PGM3: variants seen among roughly 807,000 people sequenced by gnomAD.
PGM3 encodes phosphoglucomutase 3.
Under a neutral mutation model 66.2 loss-of-function variants are expected in PGM3, and 40 were observed. The ratio of observed to expected loss-of-function variants is 0.60; its 90% confidence interval spans 0.47 to 0.79. The LOEUF is 0.79. Ranked by LOEUF, PGM3 falls within the 30% of genes least tolerant of loss-of-function variation. The pLI is 0.00. For synonymous variants in PGM3, 191 were observed against 224.2 expected, an observed-to-expected ratio of 0.85 and a Z score of 1.32; for missense variants, 537 against 643.4, an observed-to-expected ratio of 0.83 and a Z score of 1.79.
chr6:83,187,710 A>G (rs2128505192), intron 3 of PGM3, among the ~76,000 whole-genome samples: 1 of 152,328 alleles, frequency 6.6e-6, no homozygotes, highest in African/African-American at 2.4e-5. Flanking sequence ...AGGCTGAGGC[A>G]GGAGAATCAC....
At chr6:83,178,233 T>C (rs1443803998) in intron 8 of PGM3, among the ~76,000 whole-genome samples, 1 of 152,196 alleles carries the variant, frequency 6.6e-6, no homozygotes, top group African/African-American at 2.4e-5. Context: ...TAATAAAACT[T>C]TTCATACCTC....
chr6:83,167,973 G>C lies in PGM3; in HGVS notation c.*1261C>G, dbSNP rs567355260. On this transcript the variant is annotated 3_prime_UTR_variant, in exon 13 of 13. Coordinates refer to ENST00000513973, the MANE Select transcript of PGM3 (RefSeq NM_015599.3). ...GGAGCAGCTCCTGCCGTTCTTCAAT[G>C]TGCTCAGTCAAGTCTTCAACAGCAA... 1.2e-6 allele frequency: 2 copies of C among 1,614,154 alleles called. No individual in the cohort carries two copies. Among genetic ancestry groups the C allele is most frequent in the East Asian group, 4.5e-5 (2 of 44,872 alleles).
At chr6:83,183,606 T>C (rs944325829) in intron 4 of PGM3, among the ~76,000 whole-genome samples, 4 of 152,154 alleles carry the variant, frequency 2.6e-5, no homozygotes, top group Non-Finnish European at 4.4e-5. Context: ...AGGACAGTTA[T>C]CTTAACACTG....
At chr6:83,177,854 G>A (rs968269410) in intron 8 of PGM3, among the ~76,000 whole-genome samples, 6 of 152,106 alleles carry the variant, frequency 3.9e-5, no homozygotes, top group African/African-American at 1.4e-4. Flanking sequence ...AGTCCTGTTA[G>A]ATCAGTTTAG....
rs1234581398 is a variant in PGM3, at chr6:83,188,652, C to A, written c.351G>T (p.Leu117=). Residue 117 remains leucine (L), a synonymous_variant, in exon 3 of 13, where the codon CTG becomes CTT. Coordinates refer to ENST00000513973, the MANE Select transcript of PGM3 (RefSeq NM_015599.3). Reference sequence around the variant, plus strand: ...CAATAACTACAAAGGCATCTTGTTGCAGATTCACAGCTTCTTTCTCGCTGA... The same window carrying A: ...CAATAACTACAAAGGCATCTTGTTGAAGATTCACAGCTTCTTTCTCGCTGA... The part of the protein sequence containing the change: ...IDISEKEAVN[L]QQDAFVVIGR... 1 of 1,613,746 alleles carries A rather than the reference C, an allele frequency of 6.2e-7. No individual in the cohort carries two copies. Among genetic ancestry groups the A allele is most frequent in the South Asian group, 1.1e-5 (1 of 91,084 alleles).
chr6:83,158,950 A>G (rs1783513927), downstream of PGM3, among the ~76,000 whole-genome samples: 1 of 152,222 alleles, frequency 6.6e-6, no homozygotes, highest in South Asian at 2.1e-4. Context: ...CTGTTATGGT[A>G]GGTAACCTGG....
chr6:83,179,772 AG>A, intron 7 of PGM3, 37 bp downstream of exon 7: 1 of 1,506,202 alleles, frequency 6.6e-7, no homozygotes, highest in African/African-American at 1.4e-5. Flanking sequence ...TTCACTACTA[AG>A]TCTTGTTTTA....
Position 83,165,089 on chromosome 6 carries a change from C to A in PGM3, c.*4145G>T. 1 of 169,446 alleles carries A rather than the reference C, an allele frequency of 5.9e-6. No homozygotes were observed. Among genetic ancestry groups the A allele is most frequent in the Non-Finnish European group, 1.3e-5 (1 of 78,900 alleles). The allele number at this position is 169,446 out of a possible 1,614,324, so 10.5% of individuals were successfully genotyped here. On this transcript the variant is annotated 3_prime_UTR_variant, in exon 13 of 13. Transcript: ENST00000513973. ...GCTATATAGAGGGTACAAGGATATT[C>A]ATTTTCCTTCAGGACAAAGTCATCT...
chr6:83,162,872 A>G, downstream of PGM3: 2 of 1,613,602 alleles, frequency 1.2e-6, no homozygotes, highest in Non-Finnish European at 1.7e-6. Context: ...ACGAGAATTT[A>G]AACCTTACGT....
At chr6:83,173,602 A>G (rs566879370) in intron 10 of PGM3, among the ~76,000 whole-genome samples, 1 of 152,310 alleles carries the variant, frequency 6.6e-6, no homozygotes, top group South Asian at 2.1e-4. Flanking sequence ...CAAGGTATAT[A>G]AAGTGTCCAG....
chr6:83,157,131 T>C (rs745760470), downstream of PGM3: 4 of 1,581,084 alleles, frequency 2.5e-6, no homozygotes. Flanking sequence ...ATAGAAAGTT[T>C]TATGTGATAA....
Position 83,166,684 on chromosome 6 carries a change from A to T in PGM3, c.*2550T>A. The T allele has an allele frequency of 8.0e-7, 1 of 1,249,176 alleles. No individual in the cohort carries two copies. The highest frequency in any genetic ancestry group is 1.0e-6 in the Non-Finnish European group (1 of 995,552). 77.4% of individuals were successfully genotyped at this position (1,249,176 alleles called of 1,614,324 possible). A position where few individuals can be genotyped will look rare whatever the true frequency, so the allele number is the denominator to read the frequency against. On this transcript the variant is annotated 3_prime_UTR_variant, in exon 13 of 13. Coordinates refer to ENST00000513973, the MANE Select transcript of PGM3 (RefSeq NM_015599.3). ...ACCGCAATTACGTTTGCACCAACCTAATATTTTCCTTTTTCAGGATTTTAC... is the reference window on the plus strand; with the variant it reads ...ACCGCAATTACGTTTGCACCAACCTTATATTTTCCTTTTTCAGGATTTTAC...
chr6:83,168,591 A>C lies in PGM3; in HGVS notation c.*643T>G. ...CATCAGAGGCTGGGAAACGTATTATAATTAGTTTTTCTCCCACATACCTTC... is the reference window on the plus strand; with the variant it reads ...CATCAGAGGCTGGGAAACGTATTATCATTAGTTTTTCTCCCACATACCTTC... On this transcript the variant is annotated 3_prime_UTR_variant, in exon 13 of 13. Transcript: ENST00000513973. The C allele has an allele frequency of 4.0e-6, 4 of 998,002 alleles. No homozygotes were observed. Among genetic ancestry groups the C allele is most frequent in the Non-Finnish European group, 4.8e-6 (4 of 837,892 alleles). 61.8% of individuals were successfully genotyped at this position (998,002 alleles called of 1,614,324 possible).
At chr6:83,170,221 G>C (rs1361499894) in intron 12 of PGM3, 84 bp downstream of exon 12, 2 of 1,259,366 alleles carry the variant, frequency 1.6e-6, no homozygotes, top group Non-Finnish European at 2.3e-6. Flanking sequence ...AATCATCATA[G>C]TGAGATTCTA....
intron 1 of PGM3, chr6:83,191,329 A>C: frequency 8.8e-7 from 1 of 1,132,148 alleles, no homozygotes; most frequent in Non-Finnish European, 1.3e-6. Flanking sequence ...CTCAACTAAA[A>C]TGAAGATTTT....
intron 10 of PGM3, 25 bp downstream of exon 10, chr6:83,174,340 GTAACCAAGA>G: frequency 9.2e-7 from 1 of 1,081,782 alleles, no homozygotes; most frequent in African/African-American, 1.6e-5. Flanking sequence ...TAATGTAAAG[GTAACCAAGA>G]GTCCACTGCC....
At chr6:83,191,958 C>CAAAAAAAAAAAAAAAAA (rs1219337174) in intron 1 of PGM3, among the ~76,000 whole-genome samples, 1 of 39,364 alleles carries the variant, frequency 2.5e-5, no homozygotes, top group Non-Finnish European at 4.6e-5. Context: ...GACTCGGTCT[C>CAAAAAAAAAAAAAAAAA]AAAAAAAAAA....
intron 3 of PGM3, among the ~76,000 whole-genome samples, chr6:83,188,004 C>A (rs1438672644): frequency 6.6e-6 from 1 of 152,050 alleles, no homozygotes; most frequent in East Asian, 1.9e-4. Context: ...AAAAACCAGT[C>A]CAGGTATTGG....
At chr6:83,179,769 C>G in intron 7 of PGM3, 41 bp downstream of exon 7, 3 of 1,493,054 alleles carry the variant, frequency 2.0e-6, no homozygotes, top group Non-Finnish European at 2.7e-6. Context: ...TATTTCACTA[C>G]TAAGTCTTGT....
Sources: allele counts gnomAD v4.1 joint callset (sites outside exome capture counted in the v4.1 genomes callset), GRCh38; gene constraint gnomAD v4.1.1; transcripts MANE v1.5; gene names NCBI Gene and HGNC (gene_info 2026-07-23, HGNC 2026-07-21).